TUBA4B: variants seen among roughly 807,000 people sequenced by gnomAD.
TUBA4B encodes the protein tubulin-like protein alpha-4B.
TUBA4B carries 13 observed loss-of-function variants against 18.4 expected under a neutral mutation model. The ratio of observed to expected loss-of-function variants is 0.71; its 90% CI spans 0.46 to 1.12. The LOEUF (loss-of-function observed/expected upper bound fraction) is 1.12. Among genes scored for constraint, TUBA4B ranks in the 50% most tolerant of loss-of-function variants. The pLI is 0.00. For synonymous variants in TUBA4B, 101 were observed against 99.1 expected, an observed-to-expected ratio of 1.02 and a Z score of -0.11; for missense variants, 244 against 250.0, an observed-to-expected ratio of 0.98 and a Z score of 0.16.
At chr2:219,260,886 T>A (rs1574891347) in intron 1 of TUBA4B, among the ~76,000 whole-genome samples, 1 of 152,022 alleles carries the variant, frequency 6.6e-6, no homozygotes, top group East Asian at 1.9e-4. Context: ...GGCAGAAGAA[T>A]CATTTGAAGG....
At position 219,271,517 on chromosome 2, in the gene TUBA4B, C is replaced by A. The variant is rs3731891; in HGVS notation, c.544C>A (p.Arg182Ser). ...QIVSSITASL[R>S]FDGALNVDLT... ...TGTCTCCTCCATCACAGCTTCTCTG[C>A]GCTTTGACGGGGCCCTCAATGTGGA... The change falls in exon 4 of 4, where the codon CGC (arginine) becomes AGC (serine). Residue 182 changes from arginine to serine, a missense_variant. Coordinates refer to ENST00000490341, the MANE Select transcript of TUBA4B (RefSeq NM_001355221.1). 6.2e-7 allele frequency: 1 copy of A among 1,614,156 alleles called. No homozygotes were observed. The highest frequency in any genetic ancestry group is 8.5e-7 in the Non-Finnish European group (1 of 1,180,030).
intron 1 of TUBA4B, among the ~76,000 whole-genome samples, chr2:219,255,482 T>G (rs1267169658): frequency 6.6e-6 from 1 of 152,078 alleles, no homozygotes. Context: ...ATCCACCTGC[T>G]TCAGCCTCCC....
rs1282472973 is a variant in TUBA4B, at chr2:219,271,855, A to G, written c.*156A>G. 1 of 1,516,452 alleles carries G rather than the reference A, an allele frequency of 6.6e-7. No homozygotes were observed. The highest frequency in any genetic ancestry group is 1.4e-5 in the African/African-American group (1 of 72,766). The allele number at this position is 1,516,452 out of a possible 1,614,324, so 93.9% of individuals were successfully genotyped here. The stretch of plus-strand genomic sequence containing the variant: ...CCCCACAGGCTTTAAGGTTGATATC[A>G]ATCACCAGCCTCCCACTGTGGTGCC... On this transcript the variant is annotated 3_prime_UTR_variant, in exon 4 of 4. Coordinates refer to ENST00000490341, the MANE Select transcript of TUBA4B (RefSeq NM_001355221.1).
intron 1 of TUBA4B, among the ~76,000 whole-genome samples, chr2:219,260,865 C>T (rs899247957): frequency 2.6e-5 from 4 of 151,952 alleles, no homozygotes; most frequent in African/African-American, 7.3e-5. Flanking sequence ...CCCAGCTGCT[C>T]GGGAGGCTGA....
rs775273196 is a variant in TUBA4B, at chr2:219,271,451, C to A, written c.478C>A (p.Arg160Ser). The A allele has an allele frequency of 1.2e-6, 2 of 1,614,120 alleles. No individual in the cohort carries two copies. Among genetic ancestry groups the A allele is most frequent in the Admixed American group, 3.3e-5 (2 of 60,022 alleles). The change falls in exon 4 of 4, where the codon CGC (arginine) becomes AGC (serine). Residue 160 changes from arginine to serine, a missense_variant. By Grantham distance (110) the Arg-to-Ser change is moderately radical. Coordinates refer to ENST00000490341, the MANE Select transcript of TUBA4B (RefSeq NM_001355221.1). ...DICHCNLDIE[R>S]PTYTNLNRLI... is the part of the protein sequence containing the mutation. ...CTGCCACTGCAACCTAGACATCGAGCGCCCAACCTACACCAACCTCAATCG... is the reference window on the plus strand; with the variant it reads ...CTGCCACTGCAACCTAGACATCGAGAGCCCAACCTACACCAACCTCAATCG...
At chr2:219,264,534 C>T (rs12477328) in intron 1 of TUBA4B, among the ~76,000 whole-genome samples, 3,521 of 151,868 alleles carry the variant, frequency 0.023, 137 homozygotes, top group African/African-American at 0.081. Context: ...CATCACTGCT[C>T]TTGAGCGGTG....
intron 1 of TUBA4B, chr2:219,254,515 C>T (rs1951700223): frequency 1.3e-5 from 2 of 152,408 alleles, no homozygotes; most frequent in Non-Finnish European, 1.5e-5. Context: ...CTTAGGCGCT[C>T]CCGCAGAGTC....
Position 219,267,858 on chromosome 2 carries a change from C to T in TUBA4B, c.58+1292C>T, listed in dbSNP as rs370380464. ...GATTACAGGCGTGAGCCACTGCACC[C>T]GGCCAGGGGCTGAGTTCTTTGCCCC... On this transcript the variant is annotated intron_variant, in intron 2 of 3. Transcript: ENST00000490341. 9.2e-5 allele frequency among the ~76,000 whole-genome samples: 14 copies of T among 152,200 alleles called. No homozygotes were observed. In the East Asian group the frequency reaches 9.7e-4, roughly 11 times the overall value.
intron 1 of TUBA4B, chr2:219,254,144 C>A: frequency 2.7e-6 from 1 of 369,494 alleles, no homozygotes. Flanking sequence ...CCATTCTTTC[C>A]TCGTTTTGAG....
intron 1 of TUBA4B, among the ~76,000 whole-genome samples, chr2:219,260,572 A>G (rs907989384): frequency 6.6e-6 from 1 of 152,170 alleles, no homozygotes; most frequent in African/African-American, 2.4e-5. Context: ...AACATAACAC[A>G]GTCACCATGG....
At chr2:219,262,476 T>C (rs988525193) in intron 1 of TUBA4B, among the ~76,000 whole-genome samples, 38 of 152,216 alleles carry the variant, frequency 2.5e-4, no homozygotes, top group African/African-American at 9.2e-4. Flanking sequence ...CTTGTTTGTT[T>C]ATTGTCTGTC....
chr2:219,266,483 G>A (rs1407193556), intron 1 of TUBA4B, 38 bp from the exon 2 acceptor site: 1 of 698,814 alleles, frequency 1.4e-6, no homozygotes. Flanking sequence ...GGCCGCTGCA[G>A]GCCTCTCACA....
In TUBA4B at chr2:219,257,983, G is replaced by GTTT. The variant is rs1025891775; in HGVS notation, c.12+4585_12+4587dup. Reference sequence around the variant, plus strand: ...ATGAGTCACCTGGCCCATTTTGGGTGTTTTTTTTTTTTTTTTTTTTTTTGA... The same window carrying GTTT: ...ATGAGTCACCTGGCCCATTTTGGGTGTTTTTTTTTTTTTTTTTTTTTTTTTTGA... On this transcript the variant is annotated intron_variant, in intron 1 of 3. Coordinates refer to ENST00000490341, the MANE Select transcript of TUBA4B (RefSeq NM_001355221.1). Among the ~76,000 whole-genome samples the GTTT allele has an allele frequency of 8.6e-3, 808 of 94,026 alleles. 1 individual carries two copies. The highest frequency in any genetic ancestry group is 0.011 in the African/African-American group (249 of 22,310). 61.7% of individuals were successfully genotyped at this position (94,026 alleles called of 152,430 possible).
intron 1 of TUBA4B, among the ~76,000 whole-genome samples, chr2:219,259,127 TAA>T (rs1951742930): frequency 7.5e-5 from 1 of 13,388 alleles, no homozygotes; most frequent in Non-Finnish European, 2.4e-4. Flanking sequence ...CTAAAAATAA[TAA>T]ATAAATAAAT....
chr2:219,263,709 ATATGT>A (rs1244160859), intron 1 of TUBA4B, among the ~76,000 whole-genome samples: 1 of 152,092 alleles, frequency 6.6e-6, no homozygotes, highest in African/African-American at 2.4e-5. Flanking sequence ...CTTATCTTTG[ATATGT>A]TAAGTGGCTG....
intron 2 of TUBA4B, among the ~76,000 whole-genome samples, chr2:219,267,622 T>G (rs902663354): frequency 1.3e-5 from 2 of 151,240 alleles, no homozygotes; most frequent in Admixed American, 6.6e-5. Context: ...TGGAGTGCAG[T>G]GGCGCAATCT....
chr2:219,263,365 T>C (rs926887725), intron 1 of TUBA4B, among the ~76,000 whole-genome samples: 2 of 151,792 alleles, frequency 1.3e-5, no homozygotes, highest in African/African-American at 4.8e-5. Context: ...TGTTGGTGCA[T>C]GCCTGTAGTC....
At chr2:219,253,710 G>T in intron 1 of TUBA4B, 1 of 1,005,686 alleles carries the variant, frequency 9.9e-7, no homozygotes, top group Non-Finnish European at 1.5e-6. Context: ...ACCAGGAGGG[G>T]GTTGGGGAGG....
At chr2:219,266,195 TAAATCATCTTCCACCTGTGAAGTGC>T in intron 1 of TUBA4B, 1 of 297,000 alleles carries the variant, frequency 3.4e-6, no homozygotes, top group South Asian at 6.2e-5. Context: ...TCTTGATTTC[TAAATCATCTTCCACCTGTGAAGTGC>T]AGGCTGTGCC....
Sources: allele counts gnomAD v4.1 joint callset (sites outside exome capture counted in the v4.1 genomes callset), GRCh38; gene constraint gnomAD v4.1.1; transcripts MANE v1.5; gene names NCBI Gene and HGNC (gene_info 2026-07-23, HGNC 2026-07-21).